EFHD2: variants seen among roughly 807,000 people sequenced by gnomAD.
EFHD2 encodes the protein EF-hand domain family member D2.
In EFHD2, 12 loss-of-function variants were observed where a neutral mutation model predicts 20.3. The observed-to-expected ratio is 0.59, with a 90% CI of 0.38 to 0.96. The LOEUF is 0.96. Ranked by LOEUF, EFHD2 falls within the 40% of genes least tolerant of loss-of-function variation. The probability of loss-of-function intolerance (pLI) is 0.00; values close to 1 mark genes in which losing one functional copy is unlikely to be tolerated. For missense variants in EFHD2, 250 were observed against 334.3 expected (o/e 0.75, Z 1.97); for synonymous variants, 131 against 143.9 (o/e 0.91, Z 0.64).
At chr1:15,414,731 G>A (rs1368869075) in intron 1 of EFHD2, among the ~76,000 whole-genome samples, 1 of 152,212 alleles carries the variant, frequency 6.6e-6, no homozygotes, top group African/African-American at 2.4e-5. Flanking sequence ...ACAGGACGCA[G>A]GGTTAGAGCC....
chr1:15,423,270 G>A (rs1209203790), intron 1 of EFHD2, among the ~76,000 whole-genome samples: 2 of 152,196 alleles, frequency 1.3e-5, no homozygotes, highest in Non-Finnish European at 2.9e-5. Flanking sequence ...GGGGCTGCTG[G>A]CCCATCCACC....
chr1:15,425,633 C>T (rs1349041574), intron 1 of EFHD2, among the ~76,000 whole-genome samples: 1 of 152,096 alleles, frequency 6.6e-6, no homozygotes, highest in Non-Finnish European at 1.5e-5. Flanking sequence ...CAAAAGTTAG[C>T]GCTATTCGAC....
At chr1:15,427,408 C>T in intron 3 of EFHD2, 124 bp downstream of exon 3, 1 of 1,459,638 alleles carries the variant, frequency 6.9e-7, no homozygotes, top group Non-Finnish European at 9.1e-7. Context: ...AGCTGACTCC[C>T]TGCCAGGCTG....
rs1204057815 is a variant in EFHD2, at chr1:15,430,109, T to C, written c.*1385T>C. 1 of 152,624 alleles carries C rather than the reference T, an allele frequency of 6.6e-6. No individual in the cohort carries two copies. The highest frequency in any genetic ancestry group is 1.5e-5 in the Non-Finnish European group (1 of 68,050). 9.5% of individuals were successfully genotyped at this position (152,624 alleles called of 1,614,324 possible). On this transcript the variant is annotated 3_prime_UTR_variant, in exon 4 of 4. Coordinates refer to ENST00000375980, the MANE Select transcript of EFHD2 (RefSeq NM_024329.6). ...TTTTGGCCTTAGAATCTGCAGAAAT[T>C]AGGAGGCACCGAGCCCAGCGCAGCA... is the stretch of plus-strand genomic sequence containing the variant.
intron 1 of EFHD2, among the ~76,000 whole-genome samples, chr1:15,414,698 A>G (rs1707623580): frequency 6.6e-6 from 1 of 151,808 alleles, no homozygotes; most frequent in Non-Finnish European, 1.5e-5. Flanking sequence ...GTTGTCGACA[A>G]CCCTTTGCTT....
intron 1 of EFHD2, among the ~76,000 whole-genome samples, chr1:15,420,628 T>C (rs1707774206): frequency 6.6e-6 from 1 of 152,188 alleles, no homozygotes; most frequent in South Asian, 2.1e-4. Flanking sequence ...CAAGCAATTC[T>C]CCTGACTCAG....
At position 15,410,292 on chromosome 1, in the gene EFHD2, G is replaced by A. The variant is rs1479513341; in HGVS notation, c.308+13G>A. The A allele has an allele frequency of 3.2e-6, 5 of 1,579,580 alleles. No individual in the cohort carries two copies. In the Admixed American group the frequency reaches 5.3e-5, roughly 17 times the overall value. ...AGATGTTCAAGCAGTAAGTGCCCGC[G>A]CGACCCGGCCCCCCGCCCGCCCCGC... is the stretch of plus-strand genomic sequence containing the variant. On this transcript the variant is annotated intron_variant, in intron 1 of 3. Coordinates refer to ENST00000375980, the MANE Select transcript of EFHD2 (RefSeq NM_024329.6).
Position 15,428,634 on chromosome 1 carries a change from C to A in EFHD2, c.633C>A (p.Ile211=). ...INVSSRFEEE[I]KAEQEERKKQ... Reference sequence around the variant, plus strand: ...TGTCCAGCCGCTTCGAGGAGGAGATCAAGGCAGAGCAGGAGGAAAGGAAGA... The same window carrying A: ...TGTCCAGCCGCTTCGAGGAGGAGATAAAGGCAGAGCAGGAGGAAAGGAAGA... The change falls in exon 4 of 4, where the codon ATC becomes ATA. Residue 211 remains isoleucine, a synonymous_variant. Transcript: ENST00000375980. 6.2e-7 allele frequency: 1 copy of A among 1,610,976 alleles called. No homozygotes were observed. The highest frequency in any genetic ancestry group is 8.5e-7 in the Non-Finnish European group (1 of 1,179,030).
At chr1:15,414,779 G>GACAAGTGAT (rs1707626842) in intron 1 of EFHD2, among the ~76,000 whole-genome samples, 1 of 152,166 alleles carries the variant, frequency 6.6e-6, no homozygotes, top group Non-Finnish European at 1.5e-5. Flanking sequence ...CTGATTGACA[G>GACAAGTGAT]CTACATATGG....
intron 1 of EFHD2, among the ~76,000 whole-genome samples, chr1:15,417,416 G>A (rs1707691658): frequency 6.6e-6 from 1 of 152,216 alleles, no homozygotes; most frequent in Non-Finnish European, 1.5e-5. Context: ...GGCAGGGAGT[G>A]CCGTGGGTGC....
chr1:15,418,289 C>T (rs1193932283), intron 1 of EFHD2, among the ~76,000 whole-genome samples: 1 of 137,508 alleles, frequency 7.3e-6, no homozygotes, highest in Non-Finnish European at 1.5e-5. Flanking sequence ...TGCACCTGGT[C>T]GAGGAGCAAC....
Position 15,428,693 on chromosome 1 carries a change from C to T in EFHD2, c.692C>T (p.Ala231Val). The T allele has an allele frequency of 6.3e-7, 1 of 1,598,876 alleles. No individual in the cohort carries two copies. The highest frequency in any genetic ancestry group is 8.5e-7 in the Non-Finnish European group (1 of 1,173,560). The change falls in exon 4 of 4, where the codon GCC (alanine) becomes GTC (valine). Residue 231 changes from alanine (A) to valine (V), a missense_variant. By Grantham distance (64) the Ala-to-Val change is moderately conservative. Coordinates refer to ENST00000375980, the MANE Select transcript of EFHD2 (RefSeq NM_024329.6). ...QAEEMKQRKA[A>V]FKELQSTFK Reference sequence around the variant, plus strand: ...GAGGAGATGAAGCAGCGGAAAGCGGCCTTCAAGGAGCTGCAGTCCACCTTT... The same window carrying T: ...GAGGAGATGAAGCAGCGGAAAGCGGTCTTCAAGGAGCTGCAGTCCACCTTT...
intron 1 of EFHD2, among the ~76,000 whole-genome samples, chr1:15,421,545 T>C (rs1433054489): frequency 6.6e-6 from 1 of 152,140 alleles, no homozygotes; most frequent in Non-Finnish European, 1.5e-5. Context: ...CTTTGATTGA[T>C]AGAGGCGGCC....
chr1:15,418,557 G>T (rs558678117), intron 1 of EFHD2, among the ~76,000 whole-genome samples: 3 of 152,096 alleles, frequency 2.0e-5, no homozygotes, highest in South Asian at 2.1e-4. Flanking sequence ...CGCCCGCCTT[G>T]GCCTCCCAAA....
chr1:15,427,866 G>A, intron 3 of EFHD2: 1 of 468,790 alleles, frequency 2.1e-6, no homozygotes, highest in South Asian at 1.6e-5. Context: ...CTGGGCTTCG[G>A]AGCATTGGTG....
intron 3 of EFHD2, chr1:15,428,055 T>A (rs758026627): frequency 6.5e-6 from 3 of 463,344 alleles, no homozygotes; most frequent in African/African-American, 6.0e-5. Context: ...ATCAGAGTTA[T>A]TGGGTGCCAG....
At chr1:15,418,459 T>A (rs377216555) in intron 1 of EFHD2, among the ~76,000 whole-genome samples, 2 of 151,042 alleles carry the variant, frequency 1.3e-5, no homozygotes, top group Non-Finnish European at 1.5e-5. Context: ...GCGCCCACCA[T>A]CACGCCCGGC....
At chr1:15,410,377 G>A (rs1359848282) in intron 1 of EFHD2, 98 bp downstream of exon 1, 2 of 1,400,084 alleles carry the variant, frequency 1.4e-6, no homozygotes, top group African/African-American at 1.5e-5. Context: ...CCGGGAGCCT[G>A]CCGTCAGCCA....
chr1:15,425,035 C>T (rs1036528140), intron 1 of EFHD2, among the ~76,000 whole-genome samples: 11 of 152,308 alleles, frequency 7.2e-5, no homozygotes, highest in East Asian at 3.9e-4. Context: ...ACAGCCCCTA[C>T]GGCAAGGATT....
Sources: allele counts gnomAD v4.1 joint callset (sites outside exome capture counted in the v4.1 genomes callset), GRCh38; gene constraint gnomAD v4.1.1; transcripts MANE v1.5; gene names NCBI Gene and HGNC (gene_info 2026-07-23, HGNC 2026-07-21).